Variants in TTC28 observed in about 807,000 individuals in gnomAD.
The protein encoded by TTC28 is tetratricopeptide repeat domain 28.
A neutral mutation model predicts 198.0 loss-of-function variants in TTC28; 61 were observed. That is an observed-to-expected ratio of 0.31 (90% CI 0.25 to 0.38). The LOEUF is 0.38. TTC28 is among the 10% of genes least tolerant of loss of function. TTC28 has a pLI of 1.00. For missense variants in TTC28, 2,678 were observed against 3,164.0 expected, an observed-to-expected ratio of 0.85 and a Z score of 3.69; for synonymous variants, 1,171 against 1,297.8, an observed-to-expected ratio of 0.90 and a Z score of 2.10.
chr22:28,094,426 G>A (rs565805411), intron 11 of TTC28, among the ~76,000 whole-genome samples, 181 bp from the exon 12 acceptor site: 14 of 152,298 alleles, frequency 9.2e-5, no homozygotes, highest in Non-Finnish European at 1.9e-4. Flanking sequence ...ATTTTGGTCA[G>A]TATCCTTTTC....
At position 28,084,871 on chromosome 22, in the gene TTC28, C is replaced by T. The variant is rs371235302; in HGVS notation, c.3932+9209G>A. Among the ~76,000 whole-genome samples the T allele has an allele frequency of 3.3e-5, 5 of 152,198 alleles. No individual in the cohort carries two copies. The East Asian group carries it at 7.7e-4, about 23-fold the overall frequency. ...GAGAACTACGTGATGAATGCACAAG[C>T]CTCAGTAGTCGATGCGATCAACTGG... On this transcript the variant is annotated intron_variant, in intron 12 of 22. Coordinates refer to ENST00000397906, the MANE Select transcript of TTC28 (RefSeq NM_001145418.2).
chr22:28,114,633 G>A (rs1057106524), intron 6 of TTC28, among the ~76,000 whole-genome samples: 4 of 149,798 alleles, frequency 2.7e-5, no homozygotes, highest in Non-Finnish European at 3.0e-5. Context: ...ATGCTGGAGT[G>A]CAGTGGCATG....
intron 9 of TTC28, 70 bp downstream of exon 9, chr22:28,101,101 G>C (rs1942134926): frequency 8.4e-7 from 1 of 1,191,938 alleles, no homozygotes; most frequent in African/African-American, 1.5e-5. Flanking sequence ...ATCACTACTA[G>C]GACAGTAATC....
At chr22:28,654,702 G>A (rs2051616975) in intron 1 of TTC28, among the ~76,000 whole-genome samples, 1 of 152,088 alleles carries the variant, frequency 6.6e-6, no homozygotes, top group Non-Finnish European at 1.5e-5. Flanking sequence ...CATCCTTTAG[G>A]ATGTTATCAC....
intron 2 of TTC28, among the ~76,000 whole-genome samples, chr22:28,492,056 A>G (rs2048387899): frequency 6.6e-6 from 1 of 151,928 alleles, no homozygotes; most frequent in Admixed American, 6.6e-5. Context: ...TGAGAATTGA[A>G]CAATGAGAAC....
chr22:28,395,648 A>C (rs77754656), intron 2 of TTC28, among the ~76,000 whole-genome samples: 35 of 144,328 alleles, frequency 2.4e-4, no homozygotes, highest in Middle Eastern at 3.5e-3. Context: ...AAAAAAAAAA[A>C]CCAGCAACAA....
chr22:28,273,222 T>C (rs1343098943), intron 5 of TTC28, among the ~76,000 whole-genome samples: 1 of 152,158 alleles, frequency 6.6e-6, no homozygotes, highest in Non-Finnish European at 1.5e-5. Context: ...ATTGAGATTC[T>C]CCTAACATAT....
intron 2 of TTC28, among the ~76,000 whole-genome samples, chr22:28,408,441 A>G (rs529166837): frequency 6.6e-6 from 1 of 152,104 alleles, no homozygotes; most frequent in African/African-American, 2.4e-5. Flanking sequence ...CCCAGGCTGG[A>G]GTGCAGTGGC....
intron 2 of TTC28, among the ~76,000 whole-genome samples, chr22:28,330,403 A>T (rs1290857207): frequency 6.6e-6 from 1 of 152,068 alleles, no homozygotes; most frequent in Admixed American, 6.6e-5. Flanking sequence ...CTCCAGATTT[A>T]TGGTCGTCTT....
intron 2 of TTC28, among the ~76,000 whole-genome samples, chr22:28,388,200 C>T (rs1287811650): frequency 6.6e-6 from 1 of 152,130 alleles, no homozygotes; most frequent in African/African-American, 2.4e-5. Context: ...TTCCATTGAT[C>T]TATATCTCTG....
At chr22:28,546,775 A>G (rs549182989) in intron 2 of TTC28, among the ~76,000 whole-genome samples, 2 of 152,368 alleles carry the variant, frequency 1.3e-5, no homozygotes, top group Non-Finnish European at 1.5e-5. Context: ...ATACCACAAC[A>G]GAATACCACT....
intron 12 of TTC28, among the ~76,000 whole-genome samples, chr22:28,062,815 T>C (rs1277428150): frequency 6.6e-6 from 1 of 152,224 alleles, no homozygotes; most frequent in Non-Finnish European, 1.5e-5. Flanking sequence ...ATATTTTTAT[T>C]CATTGTGAGC....
intron 2 of TTC28, among the ~76,000 whole-genome samples, chr22:28,347,629 T>C (rs948736263): frequency 2.0e-5 from 3 of 152,252 alleles, no homozygotes; most frequent in South Asian, 4.1e-4. Context: ...CCCAGCACTT[T>C]GGGAGGCTGA....
At chr22:28,278,792 C>A (rs1171261852) in intron 5 of TTC28, among the ~76,000 whole-genome samples, 1 of 152,200 alleles carries the variant, frequency 6.6e-6, no homozygotes, top group Non-Finnish European at 1.5e-5. Flanking sequence ...CCAAACTGCA[C>A]TTGTAGGATA....
At chr22:28,531,650 T>C (rs920206591) in intron 2 of TTC28, among the ~76,000 whole-genome samples, 2 of 152,152 alleles carry the variant, frequency 1.3e-5, no homozygotes, top group Non-Finnish European at 2.9e-5. Context: ...ATTGACCACA[T>C]AGTTGGAAGT....
intron 2 of TTC28, among the ~76,000 whole-genome samples, chr22:28,338,931 T>C (rs994932820): frequency 6.6e-6 from 1 of 152,180 alleles, no homozygotes; most frequent in African/African-American, 2.4e-5. Flanking sequence ...CTGTGTTCCT[T>C]TGGAGGAGGA....
intron 2 of TTC28, among the ~76,000 whole-genome samples, chr22:28,369,182 T>C (rs1010198815): frequency 6.6e-6 from 1 of 152,108 alleles, no homozygotes; most frequent in Non-Finnish European, 1.5e-5. Context: ...GACTTCAAAT[T>C]ACACTACAGA....
At chr22:28,274,315 A>G (rs557456883) in intron 5 of TTC28, among the ~76,000 whole-genome samples, 156 of 152,338 alleles carry the variant, frequency 1.0e-3, no homozygotes, top group African/African-American at 3.5e-3. Context: ...TTAGACACAT[A>G]TACACATCAA....
intron 5 of TTC28, among the ~76,000 whole-genome samples, chr22:28,226,186 G>A (rs1051909277): frequency 6.6e-5 from 10 of 152,154 alleles, no homozygotes; most frequent in African/African-American, 2.4e-4. Context: ...TCATATGGTA[G>A]GTATGTGTTT....
Sources: gnomAD v4.1 joint callset for allele counts (sites outside exome capture counted in the v4.1 genomes callset) on GRCh38, gnomAD v4.1.1 for gene constraint, MANE v1.5 for transcripts, NCBI Gene and HGNC (gene_info 2026-07-23, HGNC 2026-07-21) for gene names.